Variants in EIF3B observed in about 807,000 individuals in gnomAD.
The protein encoded by EIF3B is eukaryotic translation initiation factor 3 subunit 9.
Under a neutral mutation model 104.6 loss-of-function variants are expected in EIF3B, and 10 were observed. The observed-to-expected ratio is 0.10, with a 90% confidence interval of 0.06 to 0.16. The LOEUF (loss-of-function observed/expected upper bound fraction) is 0.16. EIF3B is among the 10% of genes least tolerant of loss of function. The pLI, the probability that EIF3B is intolerant of heterozygous loss-of-function variation, is 1.00. For synonymous variants in EIF3B, 542 were observed against 417.2 expected, an observed-to-expected ratio of 1.30 and a Z score of -3.65; for missense variants, 1,014 against 1,087.9, an observed-to-expected ratio of 0.93 and a Z score of 0.96.
rs1182166186 is a variant in EIF3B at position 2,380,400 on chromosome 7, T to G, written c.*211T>G. On this transcript the variant is annotated 3_prime_UTR_variant, in exon 19 of 19. Coordinates refer to ENST00000360876, the MANE Select transcript of EIF3B (RefSeq NM_001037283.2). The stretch of plus-strand genomic sequence containing the variant: ...CCTGGATTCTGCCATTGCGACACAT[T>G]TTTGTGCCTTTCAGCCCCTGGTGTC... 1 of 518,782 alleles carries G rather than the reference T, an allele frequency of 1.9e-6. No homozygotes were observed. The highest frequency in any genetic ancestry group is 1.9e-5 in the Admixed American group (1 of 51,584). The allele number at this position is 518,782 out of a possible 1,614,324, so 32.1% of individuals were successfully genotyped here.
intron 17 of EIF3B, 24 bp from the exon 18 acceptor site, chr7:2,379,370 G>A: frequency 5.1e-6 from 8 of 1,568,950 alleles, no homozygotes; most frequent in Non-Finnish European, 6.9e-6. Flanking sequence ...CCCCATGGGT[G>A]ATCTGCGCCC....
chr7:2,377,850 AAGGAGGAAGGAGCAGGCGCGAGCGCTCC>A, intron 15 of EIF3B: 1 of 52,582 alleles, frequency 1.9e-5, no homozygotes, highest in Non-Finnish European at 3.4e-5. Context: ...CCTGGGTGTC[AAGGAGGAAGGAGCAGGCGCGAGCGCTCC>A]TGGGAAGCCG....
intron 14 of EIF3B, 32 bp downstream of exon 14, chr7:2,375,559 G>A: frequency 6.2e-7 from 1 of 1,613,476 alleles, no homozygotes; most frequent in Non-Finnish European, 8.5e-7. Context: ...TTTTGACTGT[G>A]GATAGAAGCA....
At chr7:2,367,119 A>AAC in intron 9 of EIF3B, 74 bp downstream of exon 9, 1 of 1,052,248 alleles carries the variant, frequency 9.5e-7, no homozygotes, top group South Asian at 1.5e-5. Context: ...AAAAAAAAAA[A>AAC]CACAATACCA....
intron 13 of EIF3B, chr7:2,375,120 T>G (rs914123352): frequency 1.4e-5 from 7 of 496,430 alleles, no homozygotes; most frequent in African/African-American, 9.6e-5. Context: ...TGTCCACACT[T>G]GCTACTGTAT....
At chr7:2,372,484 G>A (rs773622023) in intron 11 of EIF3B, among the ~76,000 whole-genome samples, 189 bp from the exon 12 acceptor site, 7 of 152,174 alleles carry the variant, frequency 4.6e-5, no homozygotes, top group African/African-American at 1.4e-4. Context: ...CCACACAAGT[G>A]GAAGCAGCTG....
chr7:2,371,913 A>T (rs1176909544), intron 11 of EIF3B, 64 bp downstream of exon 11: 18 of 1,316,444 alleles, frequency 1.4e-5, no homozygotes, highest in Non-Finnish European at 2.0e-5. Flanking sequence ...TCTTGGCTTT[A>T]ACACTTCCAT....
At position 2,377,067 on chromosome 7, in the gene EIF3B, C is replaced by G. The variant is rs1351296071; in HGVS notation, c.2146C>G (p.Gln716Glu). ...GCCTCCCACACTCCTGAGCCAGGAA[C>G]AGATCAAGGTCAGCATGCCCCCACC... is the stretch of plus-strand genomic sequence containing the variant. ...PRPPTLLSQE[Q>E]IKQIKKDLKK... The change falls in exon 15 of 19, where the codon CAG becomes GAG. Residue 716 changes from glutamine (Q) to glutamate (E), a missense_variant. Gln to Glu is a conservative substitution (Grantham distance 29). Transcript: ENST00000360876. 3 of 1,611,358 alleles carry G rather than the reference C, an allele frequency of 1.9e-6. No individual in the cohort carries two copies. Among genetic ancestry groups the G allele is most frequent in the African/African-American group, 2.7e-5 (2 of 74,924 alleles).
At position 2,380,248 on chromosome 7, in the gene EIF3B, C is replaced by T. The variant is rs991040774; in HGVS notation, c.*59C>T. The T allele has an allele frequency of 6.3e-6, 3 of 473,222 alleles. No homozygotes were observed. The highest frequency in any genetic ancestry group is 1.3e-5 in the Non-Finnish European group (3 of 237,070). 29.3% of individuals were successfully genotyped at this position (473,222 alleles called of 1,614,324 possible). On this transcript the variant is annotated 3_prime_UTR_variant, in exon 19 of 19. Coordinates refer to ENST00000360876, the MANE Select transcript of EIF3B (RefSeq NM_001037283.2). ...GTTCCCGCGCTGAGCTACAGGACTCCCGAGTGTGAGCCGCGGTTCCTCTGT... is the reference window on the plus strand; with the variant it reads ...GTTCCCGCGCTGAGCTACAGGACTCTCGAGTGTGAGCCGCGGTTCCTCTGT...
rs1281945249 is a variant in EIF3B, at chr7:2,362,703, G to T, written c.751G>T (p.Asp251Tyr). ...AHAVDAVKNA[D>Y]GYKLDKQHTF... ...CGCTGTGGATGCTGTGAAGAACGCCGACGGCTACAAGCTTGACAAGCAGCA... is the reference window on the plus strand; with the variant it reads ...CGCTGTGGATGCTGTGAAGAACGCCTACGGCTACAAGCTTGACAAGCAGCA... The change falls in exon 3 of 19, where the codon GAC (aspartate) becomes TAC (tyrosine). Residue 251 changes from aspartate to tyrosine, a missense_variant. By Grantham distance (160) the Asp-to-Tyr change is radical. Around this residue, in one of 4 missense-constraint regions of EIF3B, gnomAD observed 488 missense variants for 404.3 expected, o/e 1.21. Coordinates refer to ENST00000360876, the MANE Select transcript of EIF3B (RefSeq NM_001037283.2). The T allele has an allele frequency of 6.2e-7, 1 of 1,614,116 alleles. No individual in the cohort carries two copies. Among genetic ancestry groups the T allele is most frequent in the Non-Finnish European group, 8.5e-7 (1 of 1,180,058 alleles).
chr7:2,354,458 T>G (rs145119534), upstream of EIF3B: 3 of 152,202 alleles, frequency 2.0e-5, no homozygotes. Flanking sequence ...GGGTATTAAC[T>G]GTTGAGTTAG....
chr7:2,366,984 C>T lies in EIF3B; in HGVS notation c.1357-15C>T, dbSNP rs750504573. ...ATGATTTGACTCAACTGCAGCCTTCCTTTTTTTTGGGCAGTCTATGGGTCT... is the reference window on the plus strand; with the variant it reads ...ATGATTTGACTCAACTGCAGCCTTCTTTTTTTTTGGGCAGTCTATGGGTCT... On this transcript the variant is annotated splice_polypyrimidine_tract_variant and intron_variant, in intron 8 of 18. Transcript: ENST00000360876. 6.2e-7 allele frequency: 1 copy of T among 1,607,494 alleles called. No individual in the cohort carries two copies. Among genetic ancestry groups the T allele is most frequent in the South Asian group, 1.1e-5 (1 of 89,940 alleles).
Position 2,355,166 on chromosome 7 carries a change from A to C in EIF3B, c.245A>C (p.Glu82Ala). The C allele has an allele frequency of 6.9e-7, 1 of 1,457,310 alleles. No homozygotes were observed. Among genetic ancestry groups the C allele is most frequent in the Middle Eastern group, 2.4e-4 (1 of 4,136 alleles). 90.3% of individuals were successfully genotyped at this position (1,457,310 alleles called of 1,614,324 possible). The change falls in exon 1 of 19, where the codon GAG becomes GCG. Residue 82 changes from glutamate to alanine, a missense_variant. Physicochemically the swap from Glu to Ala is moderately radical, Grantham distance 107 (BLOSUM62 -1). This residue lies in a region of EIF3B where 488 missense variants were observed against 404.3 expected (regional missense o/e 1.21). Transcript: ENST00000360876. ...AEAEAASGPS[E>A]SPSPPAAEEL... is the part of the protein sequence containing the mutation. ...GCAGAGGCGGCCTCCGGCCCGTCCGAGTCGCCCTCGCCGCCGGCCGCCGAG... is the reference window on the plus strand; with the variant it reads ...GCAGAGGCGGCCTCCGGCCCGTCCGCGTCGCCCTCGCCGCCGGCCGCCGAG...
intron 15 of EIF3B, 148 bp downstream of exon 15, chr7:2,377,223 G>A: frequency 1.8e-6 from 2 of 1,132,812 alleles, no homozygotes; most frequent in Non-Finnish European, 1.2e-6. Flanking sequence ...CGCAGGAACA[G>A]TGAGAACTGA....
At chr7:2,354,765 C>A (rs1425686075), upstream of EIF3B, 1 of 633,936 alleles carries the variant, frequency 1.6e-6, no homozygotes, top group Non-Finnish European at 2.0e-6. Flanking sequence ...GTTCGTGAGG[C>A]CCCAGGGCGT....
Position 2,366,549 on chromosome 7 carries a change from T to C in EIF3B, c.1314T>C (p.Phe438=), listed in dbSNP as rs1780037370. 2 of 1,614,222 alleles carry C rather than the reference T, an allele frequency of 1.2e-6. No homozygotes were observed. The highest frequency in any genetic ancestry group is 1.7e-6 in the Non-Finnish European group (2 of 1,180,040). Residue 438 remains phenylalanine, a synonymous_variant, in exon 8 of 19, where the codon TTT becomes TTC. Transcript: ENST00000360876. ...IFKWSHDGKF[F]ARMTLDTLSI... ...GGTGGAGCCATGATGGCAAATTCTT[T>C]GCCAGAATGACCCTGGATACGCTTA...
intron 1 of EIF3B, among the ~76,000 whole-genome samples, chr7:2,358,504 G>A (rs923246385): frequency 7.2e-5 from 11 of 151,826 alleles, no homozygotes; most frequent in South Asian, 2.1e-4. Context: ...TCGGACATCT[G>A]CATATTTAGT....
chr7:2,355,278 C>G lies in EIF3B; in HGVS notation c.357C>G (p.Ser119Arg). Reference sequence around the variant, plus strand: ...AGGCTCGGGACGAGCGCTCCGACAGCCGGGCCCAGGCGGTGTCCGAGGACG... The same window carrying G: ...AGGCTCGGGACGAGCGCTCCGACAGGCGGGCCCAGGCGGTGTCCGAGGACG... ...GEQARDERSD[S>R]RAQAVSEDAG... Residue 119 changes from serine (S) to arginine (R), a missense_variant, in exon 1 of 19, where the codon AGC (serine) becomes AGG (arginine). Coordinates refer to ENST00000360876, the MANE Select transcript of EIF3B (RefSeq NM_001037283.2). The G allele has an allele frequency of 6.5e-7, 1 of 1,534,132 alleles. No homozygotes were observed. The highest frequency in any genetic ancestry group is 8.7e-7 in the Non-Finnish European group (1 of 1,147,094).
At chr7:2,354,753 TC>T, upstream of EIF3B, 1 of 467,644 alleles carries the variant, frequency 2.1e-6, no homozygotes, top group Non-Finnish European at 2.9e-6. Context: ...CCTCTCAGGG[TC>T]GTTCGTGAGG....
Sources: gnomAD v4.1 joint callset for allele counts (sites outside exome capture counted in the v4.1 genomes callset) on GRCh38, gnomAD v4.1.1 for gene constraint, gnomAD v4.1.1 regional missense constraint, MANE v1.5 for transcripts, NCBI Gene and HGNC (gene_info 2026-07-23, HGNC 2026-07-21) for gene names.